The following CBL variants were observed in gnomAD, a reference collection of about 807,000 sequenced individuals.
CBL encodes Cbl proto-oncogene.
Under a neutral mutation model 96.9 loss-of-function variants are expected in CBL, and 45 were observed. That is an observed-to-expected ratio of 0.46 (90% CI 0.37 to 0.60). CBL has a LOEUF of 0.60. Among genes scored for constraint, CBL ranks in the 20% least tolerant of loss-of-function variants. The pLI is 0.00. For synonymous variants in CBL, 420 were observed against 426.8 expected, an observed-to-expected ratio of 0.98 and a Z score of 0.20; for missense variants, 1,024 against 1,143.5, an observed-to-expected ratio of 0.90 and a Z score of 1.51.
chr11:119,277,271 A>ACACACACACACG (rs1555229985), intron 6 of CBL, among the ~76,000 whole-genome samples: 28 of 151,392 alleles, frequency 1.8e-4, no homozygotes, highest in Admixed American at 3.3e-4. Context: ...ACACACACAC[A>ACACACACACACG]TAAAGAATTT....
intron 1 of CBL, among the ~76,000 whole-genome samples, chr11:119,207,421 G>T (rs553875997): frequency 6.6e-6 from 1 of 152,164 alleles, no homozygotes; most frequent in Non-Finnish European, 1.5e-5. Context: ...CTTGAGCTGG[G>T]TTCTTTTTTT....
chr11:119,291,373 C>T (rs992022328), intron 12 of CBL, among the ~76,000 whole-genome samples: 3 of 152,072 alleles, frequency 2.0e-5, no homozygotes, highest in African/African-American at 7.2e-5. Flanking sequence ...TTACAGAGCA[C>T]GACCCTGTCT....
Position 119,298,446 on chromosome 11 carries a change from T to C in CBL, c.2340T>C (p.Pro780=), listed in dbSNP as rs1157944504. ...EDDGYDVPKP[P]VPAVLARRTL... is the part of the protein sequence containing the mutation. ...ATGGGTATGATGTCCCAAAGCCACC[T>C]GTGCCGGCCGTGCTGGCCCGCCGAA... Residue 780 remains proline (P), a synonymous_variant, in exon 15 of 16, where the codon CCT becomes CCC. Coordinates refer to ENST00000264033, the MANE Select transcript of CBL (RefSeq NM_005188.4). The C allele has an allele frequency of 6.2e-7, 1 of 1,614,088 alleles. No individual in the cohort carries two copies. The highest frequency in any genetic ancestry group is 8.5e-7 in the Non-Finnish European group (1 of 1,180,020).
intron 1 of CBL, 51 bp downstream of exon 1, chr11:119,206,663 G>GC: frequency 6.6e-7 from 1 of 1,514,432 alleles, no homozygotes. Flanking sequence ...TGGGCGGAGG[G>GC]CCGCGGGGAG....
At chr11:119,253,240 T>A (rs11217218) in intron 2 of CBL, among the ~76,000 whole-genome samples, 34,880 of 151,426 alleles carry the variant, frequency 0.23, 4,241 homozygotes, top group East Asian at 0.38. Flanking sequence ...GAAAAAAAAA[T>A]TTTTTTAAGT....
In CBL at chr11:119,285,032, C is replaced by T. The variant is rs778927765; in HGVS notation, c.1495C>T (p.Arg499Ter). 1.9e-6 allele frequency: 3 copies of T among 1,614,086 alleles called. No individual in the cohort carries two copies. Among genetic ancestry groups the T allele is most frequent in the Non-Finnish European group, 2.5e-6 (3 of 1,180,028 alleles). Residue 499 changes from arginine (R) to a stop codon, truncating the protein, a stop_gained, in exon 10 of 16, where the codon CGA becomes TGA. Transcript: ENST00000264033. LOFTEE classifies it high-confidence loss of function. ...PQASLPPVPP[R>*]LDLLPQRVCV... is the part of the protein sequence containing the mutation. ...AGCTTCCCTTCCCCCGGTGCCACCACGACTTGACCTTCTGCCGCAGCGAGT... is the reference window on the plus strand; with the variant it reads ...AGCTTCCCTTCCCCCGGTGCCACCATGACTTGACCTTCTGCCGCAGCGAGT...
intron 2 of CBL, among the ~76,000 whole-genome samples, chr11:119,234,025 A>G (rs1282515029): frequency 8.6e-5 from 13 of 151,974 alleles, no homozygotes; most frequent in Admixed American, 8.5e-4. Flanking sequence ...GTTTTGTTTG[A>G]GACGGAGTCT....
intron 2 of CBL, among the ~76,000 whole-genome samples, chr11:119,260,587 C>A (rs995068173): frequency 1.3e-5 from 2 of 151,876 alleles, no homozygotes; most frequent in Non-Finnish European, 2.9e-5. Flanking sequence ...CTTAGTAAGC[C>A]CTTAAAAAAC....
At chr11:119,265,956 G>A (rs1226550428) in intron 2 of CBL, among the ~76,000 whole-genome samples, 2 of 145,836 alleles carry the variant, frequency 1.4e-5, no homozygotes, top group South Asian at 2.2e-4. Context: ...CGGGAGAGAG[G>A]GTGCAGTGAG....
chr11:119,225,257 T>A (rs1244711917), intron 1 of CBL, among the ~76,000 whole-genome samples: 2 of 151,980 alleles, frequency 1.3e-5, no homozygotes, highest in Non-Finnish European at 2.9e-5. Context: ...CCACCATGCC[T>A]GGCTAATTTT....
At chr11:119,238,817 C>T (rs529013706) in intron 2 of CBL, among the ~76,000 whole-genome samples, 27 of 152,132 alleles carry the variant, frequency 1.8e-4, no homozygotes, top group African/African-American at 5.5e-4. Flanking sequence ...GGCAACGGAG[C>T]GAGAGTTCAT....
intron 2 of CBL, among the ~76,000 whole-genome samples, chr11:119,258,024 CG>C (rs1409794827): frequency 6.6e-6 from 1 of 151,906 alleles, no homozygotes. Flanking sequence ...GTCAGGAGTT[CG>C]AGACCACCCT....
intron 2 of CBL, among the ~76,000 whole-genome samples, chr11:119,250,717 G>T (rs137945552): frequency 6.6e-6 from 1 of 152,162 alleles, no homozygotes; most frequent in Non-Finnish European, 1.5e-5. Context: ...TCAGAGGCTG[G>T]AGGTGGGTGT....
chr11:119,219,113 T>C (rs968650876), intron 1 of CBL, among the ~76,000 whole-genome samples: 1 of 152,016 alleles, frequency 6.6e-6, no homozygotes, highest in Non-Finnish European at 1.5e-5. Flanking sequence ...CGTGGTGGCT[T>C]ACACCTGAAA....
At chr11:119,246,472 A>G (rs185876537) in intron 2 of CBL, among the ~76,000 whole-genome samples, 1 of 151,832 alleles carries the variant, frequency 6.6e-6, no homozygotes, top group Non-Finnish European at 1.5e-5. Flanking sequence ...TTCTTTTGAG[A>G]TGGGAGTCTT....
rs990070448 is a variant in CBL at position 119,301,617 on chromosome 11, C to G, written c.*1836C>G. 32 of 233,252 alleles carry G rather than the reference C, an allele frequency of 1.4e-4. No homozygotes were observed. The highest frequency in any genetic ancestry group is 6.8e-4 in the African/African-American group (31 of 45,458). 14.4% of individuals were successfully genotyped at this position (233,252 alleles called of 1,614,324 possible). On this transcript the variant is annotated 3_prime_UTR_variant, in exon 16 of 16. Transcript: ENST00000264033. The stretch of plus-strand genomic sequence containing the variant: ...ACTCCTAGATCTTTTGGTTTTATCC[C>G]CTGGCCTCAGAGCCATTTATATTCC...
intron 9 of CBL, among the ~76,000 whole-genome samples, chr11:119,284,285 C>T (rs896388274): frequency 9.9e-5 from 15 of 151,988 alleles, no homozygotes; most frequent in Non-Finnish European, 1.9e-4. Context: ...CTGCACCCCC[C>T]GCCCCACTGC....
At chr11:119,263,537 A>G (rs576438361) in intron 2 of CBL, among the ~76,000 whole-genome samples, 176 of 152,368 alleles carry the variant, frequency 1.2e-3, no homozygotes, top group African/African-American at 3.9e-3. Flanking sequence ...TTTCAAAAGC[A>G]GGACCATGAG....
At chr11:119,245,422 C>T (rs1467650048) in intron 2 of CBL, among the ~76,000 whole-genome samples, 2 of 152,010 alleles carry the variant, frequency 1.3e-5, no homozygotes, top group East Asian at 3.9e-4. Context: ...AAGCCTATTA[C>T]ATGTTAACAT....
Sources: allele counts gnomAD v4.1 joint callset (sites outside exome capture counted in the v4.1 genomes callset), GRCh38; gene constraint gnomAD v4.1.1; transcripts MANE v1.5; gene names NCBI Gene and HGNC (gene_info 2026-07-23, HGNC 2026-07-21).